The following CARMIL1 variants were observed in gnomAD, a reference collection of about 807,000 sequenced individuals.
CARMIL1 encodes F-actin-uncapping protein LRRC16A.
In CARMIL1, 90 loss-of-function variants were observed where a neutral mutation model predicts 177.1. The observed-to-expected ratio is 0.51, with a 90% CI of 0.43 to 0.61. The LOEUF is 0.61. Among genes scored for constraint, CARMIL1 ranks in the 20% least tolerant of loss-of-function variants. The pLI, the probability that CARMIL1 is intolerant of heterozygous loss-of-function variation, is 0.00. For synonymous variants in CARMIL1, 577 were observed against 606.2 expected, an observed-to-expected ratio of 0.95 and a Z score of 0.71; for missense variants, 1,380 against 1,667.0, an observed-to-expected ratio of 0.83 and a Z score of 3.00.
intron 2 of CARMIL1, among the ~76,000 whole-genome samples, chr6:25,342,026 A>C (rs193202331): frequency 6.6e-6 from 1 of 152,364 alleles, no homozygotes; most frequent in African/African-American, 2.4e-5. Flanking sequence ...GTTGCTAGCA[A>C]CTTACTATGG....
chr6:25,599,337 T>C (rs1582485354), intron 32 of CARMIL1, among the ~76,000 whole-genome samples: 1 of 152,212 alleles, frequency 6.6e-6, no homozygotes, highest in Non-Finnish European at 1.5e-5. Context: ...ACATAACTAG[T>C]GTATTTTGGC....
chr6:25,331,076 G>A (rs1038272202), intron 2 of CARMIL1, among the ~76,000 whole-genome samples: 1 of 152,056 alleles, frequency 6.6e-6, no homozygotes, highest in Non-Finnish European at 1.5e-5. Context: ...AACTTCCTGG[G>A]AGGAGGCACT....
chr6:25,506,478 A>G (rs541880137), intron 17 of CARMIL1, among the ~76,000 whole-genome samples: 43 of 152,150 alleles, frequency 2.8e-4, no homozygotes, highest in African/African-American at 9.9e-4. Context: ...CCTGGGAGGT[A>G]GGGGTTGCAG....
intron 8 of CARMIL1, chr6:25,452,003 C>CCCCCCCCCCCCCT: frequency 6.8e-6 from 2 of 294,086 alleles, no homozygotes; most frequent in East Asian, 8.6e-5. Context: ...CCTCCCCCCC[C>CCCCCCCCCCCCCT]CAGAATACTG....
intron 2 of CARMIL1, among the ~76,000 whole-genome samples, chr6:25,306,229 G>A (rs1424505892): frequency 6.6e-6 from 1 of 152,108 alleles, no homozygotes; most frequent in Non-Finnish European, 1.5e-5. Flanking sequence ...TAGCAGAAGG[G>A]TCCCCAACCC....
At chr6:25,323,015 A>AT (rs915337959) in intron 2 of CARMIL1, among the ~76,000 whole-genome samples, 5 of 151,980 alleles carry the variant, frequency 3.3e-5, no homozygotes, top group African/African-American at 1.2e-4. Context: ...GGATTAATTC[A>AT]TTTTTTCCAG....
intron 8 of CARMIL1, chr6:25,451,986 G>GCCCACCCCC: frequency 1.8e-5 from 2 of 112,672 alleles, no homozygotes; most frequent in South Asian, 7.1e-5. Flanking sequence ...CTAGCATCTT[G>GCCCACCCCC]CCCCCCCCTC....
intron 2 of CARMIL1, among the ~76,000 whole-genome samples, chr6:25,315,790 C>T (rs1362225883): frequency 1.3e-5 from 2 of 152,208 alleles, no homozygotes; most frequent in Non-Finnish European, 2.9e-5. Context: ...CCAGATACAG[C>T]AGAATTAAAG....
intron 2 of CARMIL1, among the ~76,000 whole-genome samples, chr6:25,390,311 TATATATA>T (rs1189746772): frequency 0.045 from 2,546 of 55,968 alleles, 109 homozygotes; most frequent in Middle Eastern, 0.15. Flanking sequence ...TATATATATA[TATATATA>T]TATTTTTTTT....
intron 24 of CARMIL1, among the ~76,000 whole-genome samples, chr6:25,530,482 G>A (rs1807641063): frequency 6.6e-6 from 1 of 151,892 alleles, no homozygotes; most frequent in South Asian, 2.1e-4. Flanking sequence ...GCGAGACTCT[G>A]ACTCAAAAAA....
chr6:25,591,182 C>T (rs114841243), intron 31 of CARMIL1, among the ~76,000 whole-genome samples: 5,321 of 152,276 alleles, frequency 0.035, 125 homozygotes, highest in South Asian at 0.11. Context: ...GCAGCTGCCG[C>T]ATCAAAATCC....
At chr6:25,538,175 A>G (rs1808497758) in intron 25 of CARMIL1, among the ~76,000 whole-genome samples, 192 bp downstream of exon 25, 1 of 152,202 alleles carries the variant, frequency 6.6e-6, no homozygotes, top group Non-Finnish European at 1.5e-5. Context: ...GATATAGAAT[A>G]AAAAGCAGAG....
rs115467989 is a variant in CARMIL1 at position 25,466,803 on chromosome 6, A to C, written c.690+855A>C. Among the ~76,000 whole-genome samples, 362 of 152,260 alleles carry C rather than the reference A, an allele frequency of 2.4e-3. 1 individual carries two copies. Among genetic ancestry groups the C allele is most frequent in the Non-Finnish European group, 4.2e-3 (289 of 68,022 alleles). On this transcript the variant is annotated intron_variant, in intron 9 of 36. Coordinates refer to ENST00000329474, the MANE Select transcript of CARMIL1 (RefSeq NM_017640.6). ...GGGTAGGGGTGGCCTAAAACATTAT[A>C]AGTATGAAAATGGACTAAACTCATT...
rs1223879875 is a variant in CARMIL1 at position 25,577,230 on chromosome 6, C to G, written c.2743-3694C>G. 1.5e-5 allele frequency: 8 copies of G among 549,972 alleles called. No homozygotes were observed. The highest frequency in any genetic ancestry group is 1.9e-5 in the Non-Finnish European group (8 of 432,410). 34.1% of individuals were successfully genotyped at this position (549,972 alleles called of 1,614,324 possible). On this transcript the variant is annotated intron_variant, in intron 29 of 36. Transcript: ENST00000329474. This position sits in a 1 kb window ranked among gnomAD's most constrained non-coding sequence, Gnocchi z 4.5. The stretch of plus-strand genomic sequence containing the variant: ...CTCCAGCCATGTGCCTGAAAGCAAG[C>G]AGAGTGTTGATGAAGAGGATACAAA...
intron 29 of CARMIL1, among the ~76,000 whole-genome samples, chr6:25,575,602 C>T (rs1261772485): frequency 3.9e-5 from 6 of 152,028 alleles, no homozygotes; most frequent in African/African-American, 7.2e-5. Flanking sequence ...TTGGGCAATT[C>T]GGGAAAATAT....
Position 25,551,074 on chromosome 6 carries a change from T to C in CARMIL1, c.2493T>C (p.Leu831=), listed in dbSNP as rs759045768. The change falls in exon 27 of 37, where the codon CTT becomes CTC. Residue 831 remains leucine (L), a synonymous_variant. Transcript: ENST00000329474. ...VLLEQSGIDI[L]NKISEVKLTV... ...TGGAGCAGTCTGGAATTGATATCCT[T>C]AACAAAATTAGGTAGGTTTATAATG... is the stretch of plus-strand genomic sequence containing the variant. 3.7e-6 allele frequency: 6 copies of C among 1,612,364 alleles called. No individual in the cohort carries two copies. The highest frequency in any genetic ancestry group is 1.7e-5 in the Admixed American group (1 of 59,740).
At chr6:25,596,612 A>G (rs940609484) in intron 32 of CARMIL1, among the ~76,000 whole-genome samples, 1 of 152,178 alleles carries the variant, frequency 6.6e-6, no homozygotes, top group East Asian at 1.9e-4. Flanking sequence ...AAATGATGAT[A>G]ATACAGACTG....
Position 25,540,023 on chromosome 6 carries a change from A to T in CARMIL1, c.2273A>T (p.Glu758Val), listed in dbSNP as rs1313044362. The T allele has an allele frequency of 6.2e-7, 1 of 1,609,710 alleles. No homozygotes were observed. The highest frequency in any genetic ancestry group is 8.5e-7 in the Non-Finnish European group (1 of 1,178,190). ...GGCTTACTATCCAGTCCAATTCAGG[A>T]GACCCTGGAATCAATGGCTGGAGAA... ...ASGLLSSPIQ[E>V]TLESMAGEVT... Residue 758 changes from glutamate to valine, a missense_variant, in exon 26 of 37, where the codon GAG becomes GTG. Glu to Val is a moderately radical substitution (Grantham distance 121, BLOSUM62 -2). Coordinates refer to ENST00000329474, the MANE Select transcript of CARMIL1 (RefSeq NM_017640.6).
At chr6:25,390,320 A>ATATATATATATATATATATATATTTTT (rs1554184839) in intron 2 of CARMIL1, among the ~76,000 whole-genome samples, 2 of 58,102 alleles carry the variant, frequency 3.4e-5, no homozygotes, top group Non-Finnish European at 6.7e-5. Flanking sequence ...ATATATATAT[A>ATATATATATATATATATATATATTTTT]TTTTTTTTTT....
Sources: allele counts gnomAD v4.1 joint callset (sites outside exome capture counted in the v4.1 genomes callset), GRCh38; gene constraint gnomAD v4.1.1; non-coding constraint Gnocchi (gnomAD v3.1); transcripts MANE v1.5; gene names NCBI Gene and HGNC (gene_info 2026-07-23, HGNC 2026-07-21).